The following MCPH1 variants were observed in gnomAD, a reference collection of about 807,000 sequenced individuals.
MCPH1 encodes the protein microcephalin.
MCPH1 carries 104 observed loss-of-function variants against 84.5 expected under a neutral mutation model. The observed-to-expected ratio is 1.23, with a 90% CI of 1.05 to 1.45. The LOEUF (loss-of-function observed/expected upper bound fraction) is 1.45, where lower values mean the gene tolerates loss of function less well. Among genes scored for constraint, MCPH1 ranks in the 40% most tolerant of loss-of-function variants. MCPH1 has a pLI of 0.00. For synonymous variants in MCPH1, 514 were observed against 366.8 expected (o/e 1.40, Z -4.58); for missense variants, 1,498 against 1,005.7 (o/e 1.49, Z -6.62).
At chr8:6,465,896 A>G (rs1323499776) in intron 9 of MCPH1, among the ~76,000 whole-genome samples, 1 of 151,336 alleles carries the variant, frequency 6.6e-6, no homozygotes, top group East Asian at 1.9e-4. Flanking sequence ...CTTGAGGAAT[A>G]ATTATTTCCT....
intron 12 of MCPH1, among the ~76,000 whole-genome samples, chr8:6,561,682 G>A (rs1170966941): frequency 2.6e-5 from 4 of 152,148 alleles, no homozygotes; most frequent in African/African-American, 9.7e-5. Flanking sequence ...ATTAATTTAT[G>A]CATTTTGTTT....
chr8:6,528,574 G>T (rs192254578), intron 12 of MCPH1, among the ~76,000 whole-genome samples: 444 of 152,358 alleles, frequency 2.9e-3, no homozygotes, highest in Middle Eastern at 6.8e-3. Flanking sequence ...GTGTGAAGCG[G>T]AGCCTCAGCC....
At chr8:6,528,594 G>A (rs1245435921) in intron 12 of MCPH1, among the ~76,000 whole-genome samples, 1 of 152,192 alleles carries the variant, frequency 6.6e-6, no homozygotes, top group Non-Finnish European at 1.5e-5. Context: ...CTTGCCGTGC[G>A]GGCCTTTGTG....
chr8:6,450,705 T>C (rs1370454604), intron 8 of MCPH1, among the ~76,000 whole-genome samples: 1 of 152,000 alleles, frequency 6.6e-6, no homozygotes, highest in African/African-American at 2.4e-5. Flanking sequence ...TAACAAAGCA[T>C]CTAATATTGG....
At chr8:6,406,821 C>T (rs537466504) in intron 1 of MCPH1, 132 bp downstream of exon 1, 899 of 899,462 alleles carry the variant, frequency 1.0e-3, no homozygotes, top group Non-Finnish European at 1.3e-3. Flanking sequence ...TCCCCCAGAC[C>T]CCCTGCCGCC....
intron 3 of MCPH1, among the ~76,000 whole-genome samples, chr8:6,415,740 G>C (rs1220085690): frequency 6.6e-6 from 1 of 152,160 alleles, no homozygotes; most frequent in African/African-American, 2.4e-5. Flanking sequence ...TTTCAAGATT[G>C]TTTGGCTATT....
chr8:6,449,532 C>T (rs932901909), intron 8 of MCPH1, among the ~76,000 whole-genome samples: 13 of 152,002 alleles, frequency 8.6e-5, no homozygotes, highest in African/African-American at 3.1e-4. Context: ...ACTTGGGAGG[C>T]TGAGGCAGGA....
At chr8:6,459,644 T>G (rs2922820) in intron 9 of MCPH1, among the ~76,000 whole-genome samples, 39,767 of 152,166 alleles carry the variant, frequency 0.26, 7,593 homozygotes, top group African/African-American at 0.54. Context: ...ATGTTTTCAC[T>G]TGAGAGCCAG....
At chr8:6,473,305 G>GTTT (rs972699951) in intron 9 of MCPH1, among the ~76,000 whole-genome samples, 21 of 131,076 alleles carry the variant, frequency 1.6e-4, no homozygotes, top group Admixed American at 1.1e-3. Flanking sequence ...TGAAATGACA[G>GTTT]TTTTTCTCTC....
chr8:6,621,598 A>G lies in MCPH1; in HGVS notation c.2359A>G (p.Ser787Gly), dbSNP rs1380198789. Reference protein sequence around the residue: ...ELVHLCGGRVSQVPRQASIVI... With the variant: ...ELVHLCGGRVGQVPRQASIVI... The stretch of plus-strand genomic sequence containing the variant: ...AGTCCACCTGTGCGGAGGCCGGGTC[A>G]GCCAAGTCCCCCGCCAGGCCAGCAT... Residue 787 changes from serine to glycine, a missense_variant, in exon 13 of 14, where the codon AGC becomes GGC. Transcript: ENST00000344683. The G allele has an allele frequency of 6.2e-7, 1 of 1,614,134 alleles. No homozygotes were observed. The highest frequency in any genetic ancestry group is 8.5e-7 in the Non-Finnish European group (1 of 1,180,060).
chr8:6,473,277 C>T (rs1179677021), intron 9 of MCPH1, among the ~76,000 whole-genome samples: 1 of 139,012 alleles, frequency 7.2e-6, no homozygotes, highest in South Asian at 2.3e-4. Flanking sequence ...TTTATTAATT[C>T]TGTAGCAATT....
intron 1 of MCPH1, 37 bp downstream of exon 1, chr8:6,406,726 G>A (rs775487823): frequency 6.8e-6 from 11 of 1,609,732 alleles, no homozygotes; most frequent in Non-Finnish European, 9.3e-6. Flanking sequence ...AGCAGCGGGA[G>A]TTTGAGGACC....
intron 12 of MCPH1, among the ~76,000 whole-genome samples, chr8:6,517,023 G>A (rs1250619126): frequency 2.0e-5 from 3 of 152,108 alleles, no homozygotes; most frequent in East Asian, 1.9e-4. Flanking sequence ...AAAGAACAGA[G>A]GATTTGTAAA....
Position 6,442,058 on chromosome 8 carries a change from T to C in MCPH1, c.581-9T>C. 3 of 1,603,316 alleles carry C rather than the reference T, an allele frequency of 1.9e-6. No homozygotes were observed. The highest frequency in any genetic ancestry group is 2.6e-6 in the Non-Finnish European group (3 of 1,170,188). ...TTTATCTAATGCAGTGTCTTGGTCC[T>C]GTTTTTAGCTTCCCAAATGATTCAG... On this transcript the variant is annotated splice_polypyrimidine_tract_variant and intron_variant, in intron 6 of 13. Coordinates refer to ENST00000344683, the MANE Select transcript of MCPH1 (RefSeq NM_024596.5).
intron 11 of MCPH1, among the ~76,000 whole-genome samples, chr8:6,495,917 C>T (rs2922807): frequency 0.021 from 3,253 of 152,228 alleles, 112 homozygotes; most frequent in African/African-American, 0.072. Flanking sequence ...TTTAATTAAT[C>T]AGTGATATTT....
intron 3 of MCPH1, among the ~76,000 whole-genome samples, chr8:6,428,295 C>T (rs980177895): frequency 2.6e-5 from 4 of 151,978 alleles, no homozygotes; most frequent in African/African-American, 7.2e-5. Context: ...CACACATTAG[C>T]CTGGGCCTAC....
intron 12 of MCPH1, among the ~76,000 whole-genome samples, chr8:6,535,813 C>A (rs1040269716): frequency 1.3e-5 from 2 of 151,354 alleles, no homozygotes; most frequent in Non-Finnish European, 1.5e-5. Context: ...TTTGGGAGGC[C>A]GAGGCAGGAG....
At chr8:6,410,887 C>A (rs746217144) in intron 2 of MCPH1, among the ~76,000 whole-genome samples, 1 of 151,982 alleles carries the variant, frequency 6.6e-6, no homozygotes, top group Admixed American at 6.5e-5. Context: ...GTCAGGAGTT[C>A]GAGACCAGCC....
rs1797021842 is a variant in MCPH1, at chr8:6,629,827, G to A, written c.2452+8136G>A. ...AGAGTCATGCAGTGAATTACTGAAA[G>A]ACCCAGAACCCCAGTCCTGGCCCCT... On this transcript the variant is annotated intron_variant, in intron 13 of 13. Coordinates refer to ENST00000344683, the MANE Select transcript of MCPH1 (RefSeq NM_024596.5). Among the ~76,000 whole-genome samples, 2 of 152,190 alleles carry A rather than the reference G, an allele frequency of 1.3e-5. 1 individual carries two copies. Among genetic ancestry groups the A allele is most frequent in the South Asian group, 4.1e-4 (2 of 4,834 alleles).
Sources: gnomAD v4.1 joint callset for allele counts (sites outside exome capture counted in the v4.1 genomes callset) on GRCh38, gnomAD v4.1.1 for gene constraint, MANE v1.5 for transcripts, NCBI Gene and HGNC (gene_info 2026-07-23, HGNC 2026-07-21) for gene names.